Variants in CDH18 observed in about 807,000 individuals in gnomAD.
CDH18 encodes cadherin-18.
A neutral mutation model predicts 67.9 loss-of-function variants in CDH18; 31 were observed. That is an observed-to-expected ratio of 0.46 (90% confidence interval 0.34 to 0.62). The LOEUF (loss-of-function observed/expected upper bound fraction) is 0.62, where lower values mean the gene tolerates loss of function less well. CDH18 is among the 20% of genes least tolerant of loss of function. The pLI is 0.01. For missense variants in CDH18, 890 were observed against 975.5 expected, an observed-to-expected ratio of 0.91 and a Z score of 1.17; for synonymous variants, 362 against 347.2, an observed-to-expected ratio of 1.04 and a Z score of -0.48.
intron 1 of CDH18, among the ~76,000 whole-genome samples, chr5:20,516,386 T>C (rs2126503993): frequency 6.6e-6 from 1 of 152,024 alleles, no homozygotes; most frequent in South Asian, 2.1e-4. Flanking sequence ...ATTCAACCGT[T>C]AATCAAATGG....
chr5:19,823,281 T>C (rs1452136256), intron 3 of CDH18, among the ~76,000 whole-genome samples: 1 of 152,114 alleles, frequency 6.6e-6, no homozygotes, highest in African/African-American at 2.4e-5. Flanking sequence ...GATTAAGAGA[T>C]TAAAGTAAAG....
chr5:20,027,739 A>C (rs1032124943), intron 2 of CDH18, among the ~76,000 whole-genome samples: 11 of 152,220 alleles, frequency 7.2e-5, no homozygotes, highest in African/African-American at 2.4e-4. Flanking sequence ...TTATGGCTTA[A>C]CATTTATGAC....
chr5:20,550,159 A>G (rs1024367129), intron 1 of CDH18, among the ~76,000 whole-genome samples: 1 of 152,222 alleles, frequency 6.6e-6, no homozygotes, highest in African/African-American at 2.4e-5. Context: ...TACTGAGTTT[A>G]AAAGGATCTG....
chr5:20,492,573 T>C (rs1188555211), intron 1 of CDH18, among the ~76,000 whole-genome samples: 1 of 152,162 alleles, frequency 6.6e-6, no homozygotes, highest in African/African-American at 2.4e-5. Context: ...TTTAGATTTA[T>C]GTGGAAGTAA....
chr5:20,528,082 GA>G (rs1292876034), intron 1 of CDH18, among the ~76,000 whole-genome samples: 2 of 151,944 alleles, frequency 1.3e-5, no homozygotes, highest in African/African-American at 2.4e-5. Context: ...CCAAGCAAAT[GA>G]AAAGCAGAAA....
At chr5:20,362,003 T>C (rs902969048) in intron 1 of CDH18, among the ~76,000 whole-genome samples, 3 of 151,956 alleles carry the variant, frequency 2.0e-5, no homozygotes, top group Admixed American at 1.3e-4. Flanking sequence ...GAAATTACTA[T>C]TTGCATTCAT....
intron 10 of CDH18, among the ~76,000 whole-genome samples, chr5:19,504,552 T>C (rs1334349895): frequency 1.3e-5 from 2 of 152,096 alleles, no homozygotes; most frequent in African/African-American, 4.8e-5. Flanking sequence ...GAGGAACATA[T>C]ATACATTAGC....
At chr5:20,318,929 C>T (rs569513252) in intron 1 of CDH18, among the ~76,000 whole-genome samples, 3 of 152,198 alleles carry the variant, frequency 2.0e-5, no homozygotes, top group African/African-American at 7.2e-5. Context: ...ATCAGATTTT[C>T]TGTCTATTTC....
At chr5:19,780,294 T>C (rs1339043623) in intron 3 of CDH18, among the ~76,000 whole-genome samples, 1 of 152,112 alleles carries the variant, frequency 6.6e-6, no homozygotes, top group East Asian at 1.9e-4. Context: ...AATCTAATTG[T>C]CTATGTATTT....
intron 1 of CDH18, among the ~76,000 whole-genome samples, chr5:20,567,088 T>C (rs1390969720): frequency 6.6e-6 from 1 of 152,170 alleles, no homozygotes; most frequent in Non-Finnish European, 1.5e-5. Flanking sequence ...TCAGTCAGTA[T>C]TGAGTCAGGA....
intron 1 of CDH18, among the ~76,000 whole-genome samples, chr5:20,264,956 A>G (rs887119951): frequency 1.3e-5 from 2 of 152,110 alleles, no homozygotes; most frequent in Non-Finnish European, 2.9e-5. Flanking sequence ...AAGAACAAAG[A>G]TTTAAGGAAA....
At chr5:19,666,224 C>T (rs549798329) in intron 5 of CDH18, among the ~76,000 whole-genome samples, 44 of 145,622 alleles carry the variant, frequency 3.0e-4, no homozygotes, top group African/African-American at 8.9e-4. Flanking sequence ...CATGTCCCCA[C>T]GCCTGTATGA....
At position 19,747,029 on chromosome 5, in the gene CDH18, T is replaced by C. The variant is rs777742948; in HGVS notation, c.436A>G (p.Ile146Val). The stretch of plus-strand genomic sequence containing the variant: ...TCATTGATGTCTTGCACTTTGATGA[T>C]GAACTCGGATTCAGGCTCAAGAGGT... ...NKPLEPESEF[I>V]IKVQDINDNA... Residue 146 changes from isoleucine to valine, a missense_variant, in exon 4 of 13, where the codon ATC (isoleucine) becomes GTC (valine). Ile to Val is a conservative substitution (Grantham distance 29). Around this residue, in one of 2 missense-constraint regions of CDH18, gnomAD observed 234 missense variants for 307.4 expected, o/e 0.76. Coordinates refer to ENST00000382275, the MANE Select transcript of CDH18 (RefSeq NM_004934.5). The C allele has an allele frequency of 6.8e-6, 11 of 1,614,056 alleles. No homozygotes were observed. In the Admixed American group the frequency reaches 1.2e-4, roughly 17 times the overall value.
At chr5:19,652,481 T>G (rs1381355764) in intron 5 of CDH18, among the ~76,000 whole-genome samples, 2 of 152,144 alleles carry the variant, frequency 1.3e-5, no homozygotes, top group African/African-American at 4.8e-5. Flanking sequence ...TATTGATATG[T>G]GCAGACATGA....
chr5:19,659,754 T>A (rs1333874264), intron 5 of CDH18, among the ~76,000 whole-genome samples: 1 of 152,080 alleles, frequency 6.6e-6, no homozygotes, highest in Non-Finnish European at 1.5e-5. Flanking sequence ...AGGCCCCATC[T>A]TGGAAGCAGA....
At chr5:19,752,402 C>T (rs557292046) in intron 3 of CDH18, among the ~76,000 whole-genome samples, 3 of 152,156 alleles carry the variant, frequency 2.0e-5, no homozygotes, top group Middle Eastern at 3.4e-3. Flanking sequence ...CTGTGACTCC[C>T]GGCTCTCCCC....
At chr5:20,230,904 T>C (rs1742016680) in intron 2 of CDH18, among the ~76,000 whole-genome samples, 1 of 152,166 alleles carries the variant, frequency 6.6e-6, no homozygotes, top group African/African-American at 2.4e-5. Flanking sequence ...AATAAACCTG[T>C]ATACACAGAG....
chr5:19,801,111 C>T (rs1052424621), intron 3 of CDH18, among the ~76,000 whole-genome samples: 15 of 152,054 alleles, frequency 9.9e-5, no homozygotes, highest in Non-Finnish European at 1.5e-4. Context: ...CACTCCGTCT[C>T]AGAACAACAA....
intron 10 of CDH18, among the ~76,000 whole-genome samples, chr5:19,520,095 G>C (rs1053685268): frequency 1.3e-5 from 2 of 152,074 alleles, no homozygotes; most frequent in African/African-American, 4.8e-5. Flanking sequence ...TTTGCTATAG[G>C]CAACCAGCCT....
Sources: allele counts gnomAD v4.1 joint callset (sites outside exome capture counted in the v4.1 genomes callset), GRCh38; gene constraint gnomAD v4.1.1; regional missense constraint gnomAD v4.1.1; transcripts MANE v1.5; gene names NCBI Gene and HGNC (gene_info 2026-07-23, HGNC 2026-07-21).